Variants in MMD observed in about 807,000 individuals in gnomAD.
MMD encodes monocyte to macrophage differentiation associated, also known as monocyte to macrophage differentiation factor.
In MMD, 22 loss-of-function variants were observed where a neutral mutation model predicts 33.6. The ratio of observed to expected loss-of-function variants is 0.66; its 90% CI spans 0.47 to 0.94. The LOEUF is 0.94. Among genes scored for constraint, MMD ranks in the 40% least tolerant of loss-of-function variants. The pLI, the probability that MMD is intolerant of heterozygous loss-of-function variation, is 0.00. For synonymous variants in MMD, 97 were observed against 103.2 expected, an observed-to-expected ratio of 0.94 and a Z score of 0.36; for missense variants, 242 against 309.8, an observed-to-expected ratio of 0.78 and a Z score of 1.64.
intron 5 of MMD, among the ~76,000 whole-genome samples, chr17:55,403,455 G>A (rs751087098): frequency 2.0e-5 from 3 of 152,104 alleles, no homozygotes; most frequent in Non-Finnish European, 2.9e-5. Context: ...TTTCTCACGT[G>A]ATGACTGAAT....
intron 6 of MMD, among the ~76,000 whole-genome samples, chr17:55,396,910 T>C (rs1378062206): frequency 6.6e-6 from 1 of 152,048 alleles, no homozygotes; most frequent in African/African-American, 2.4e-5. Context: ...CCACCGCGCC[T>C]GGCCAGTGGT....
In MMD at chr17:55,407,960, T is replaced by C. The variant is rs1907620416; in HGVS notation, c.270-140A>G. 4 of 593,454 alleles carry C rather than the reference T, an allele frequency of 6.7e-6. No individual in the cohort carries two copies. The African/African-American group carries it at 7.8e-5, about 12-fold the overall frequency. The allele number at this position is 593,454 out of a possible 1,614,324, so 36.8% of individuals were successfully genotyped here. ...ACTTGTTCTTCCAAGGTTACACAGA[T>C]TTTTGTTGCTGTTAATGTTATGAAG... is the stretch of plus-strand genomic sequence containing the variant. On this transcript the variant is annotated intron_variant, in intron 3 of 6. Transcript: ENST00000262065.
At chr17:55,401,376 C>T (rs1281457530) in intron 6 of MMD, 93 bp downstream of exon 6, 1 of 1,117,598 alleles carries the variant, frequency 8.9e-7, no homozygotes, top group Non-Finnish European at 1.3e-6. Context: ...ATGGACATAA[C>T]TTTATAAAGA....
chr17:55,420,542 G>T, intron 1 of MMD: 1 of 150,108 alleles, frequency 6.7e-6, no homozygotes. Flanking sequence ...GACTGGGGGA[G>T]GAATGAGATG....
At chr17:55,418,307 T>C (rs1908049101) in intron 1 of MMD, among the ~76,000 whole-genome samples, 1 of 152,236 alleles carries the variant, frequency 6.6e-6, no homozygotes, top group South Asian at 2.1e-4. Context: ...TGTTCACCTT[T>C]CCATTACCAA....
At chr17:55,410,335 GT>G (rs1241286499) in intron 3 of MMD, among the ~76,000 whole-genome samples, 17 of 152,154 alleles carry the variant, frequency 1.1e-4, no homozygotes, top group Admixed American at 3.3e-4. Flanking sequence ...AATAGTTTGA[GT>G]TTTTTTTGGA....
chr17:55,404,607 A>C, intron 4 of MMD: 3 of 985,350 alleles, frequency 3.0e-6, no homozygotes, highest in Non-Finnish European at 3.6e-6. Context: ...TACACAAACC[A>C]AGTGTGTCTC....
At chr17:55,396,535 T>C (rs570919359) in intron 6 of MMD, among the ~76,000 whole-genome samples, 1 of 152,358 alleles carries the variant, frequency 6.6e-6, no homozygotes, top group East Asian at 1.9e-4. Context: ...TTGAATAACT[T>C]TGGGATTCCA....
Position 55,394,345 on chromosome 17 carries a change from G to T in MMD, c.706C>A (p.Arg236=). The T allele has an allele frequency of 7.3e-7, 1 of 1,373,088 alleles. No homozygotes were observed. 85.1% of individuals were successfully genotyped at this position (1,373,088 alleles called of 1,614,324 possible). Residue 236 remains arginine (R), a synonymous_variant, in exon 7 of 7, where the codon CGG becomes AGG. Transcript: ENST00000262065. ...TTAGTACAGATTGGTCATAAATGCC[G>T]CATAAAGTCCGTAGGACTTCGGTAA... ...YLYRSPTDFM[R]HL
chr17:55,395,697 G>A (rs1284592105), intron 6 of MMD, among the ~76,000 whole-genome samples: 2 of 152,216 alleles, frequency 1.3e-5, no homozygotes, highest in Non-Finnish European at 2.9e-5. Flanking sequence ...AATCCAAATG[G>A]ACTGACATTG....
intron 6 of MMD, among the ~76,000 whole-genome samples, chr17:55,399,033 CT>C (rs1352716551): frequency 5.9e-5 from 9 of 152,224 alleles, no homozygotes; most frequent in Non-Finnish European, 8.8e-5. Context: ...GCTTCCTCCT[CT>C]TCCATACCCT....
intron 1 of MMD, 71 bp downstream of exon 1, chr17:55,421,599 T>C: frequency 6.3e-7 from 1 of 1,583,354 alleles, no homozygotes; most frequent in Non-Finnish European, 8.6e-7. Context: ...CCGGGAGCCG[T>C]GCGCTTAACG....
chr17:55,414,410 C>T (rs1795789131), intron 1 of MMD, among the ~76,000 whole-genome samples, 178 bp from the exon 2 acceptor site: 1 of 152,112 alleles, frequency 6.6e-6, no homozygotes, highest in Admixed American at 6.6e-5. Flanking sequence ...TAGCAATGAT[C>T]CTTAAGCAAA....
intron 2 of MMD, among the ~76,000 whole-genome samples, chr17:55,413,521 A>G (rs753190737): frequency 1.3e-5 from 2 of 152,132 alleles, no homozygotes; most frequent in Admixed American, 6.6e-5. Context: ...AAGTGTTAAC[A>G]GTTTATTTCT....
intron 4 of MMD, 21 bp from the exon 5 acceptor site, chr17:55,403,889 A>T (rs560688462): frequency 1.3e-6 from 2 of 1,558,120 alleles, no homozygotes; most frequent in South Asian, 2.2e-5. Flanking sequence ...AAACGTGACA[A>T]CAAAGAACAG....
At chr17:55,417,462 C>G (rs548602997) in intron 1 of MMD, among the ~76,000 whole-genome samples, 48 of 152,194 alleles carry the variant, frequency 3.2e-4, no homozygotes, top group African/African-American at 1.1e-3. Flanking sequence ...AGTACAGACT[C>G]TCTTCTTTAC....
At chr17:55,421,501 C>A (rs116350090) in intron 1 of MMD, among the ~76,000 whole-genome samples, 169 bp downstream of exon 1, 4 of 152,210 alleles carry the variant, frequency 2.6e-5, no homozygotes, top group Non-Finnish European at 5.9e-5. Context: ...GGAAGGGGAT[C>A]GCCCAGGGAC....
intron 4 of MMD, among the ~76,000 whole-genome samples, chr17:55,406,789 G>A (rs1294915031): frequency 6.6e-6 from 1 of 152,150 alleles, no homozygotes; most frequent in Non-Finnish European, 1.5e-5. Context: ...GGGAGAAAGA[G>A]GTGGGAGAAT....
In MMD at chr17:55,396,076, C is replaced by T. The variant is rs146150590; in HGVS notation, c.517-1542G>A. Among the ~76,000 whole-genome samples the T allele has an allele frequency of 6.0e-3, 911 of 152,240 alleles. 8 individuals carry two copies. The highest frequency in any genetic ancestry group is 1.0e-2 in the Non-Finnish European group (678 of 68,010). Reference sequence around the variant, plus strand: ...CTTTCTGCCAAAACAAGCAAGACACCAAACCAAGTACGCAGGTTAGTTTTG... The same window carrying T: ...CTTTCTGCCAAAACAAGCAAGACACTAAACCAAGTACGCAGGTTAGTTTTG... On this transcript the variant is annotated intron_variant, in intron 6 of 6. Transcript: ENST00000262065.
Sources: allele counts gnomAD v4.1 joint callset (sites outside exome capture counted in the v4.1 genomes callset), GRCh38; gene constraint gnomAD v4.1.1; transcripts MANE v1.5; gene names NCBI Gene and HGNC (gene_info 2026-07-23, HGNC 2026-07-21).